Variants in HJURP observed in about 807,000 individuals in gnomAD.
The protein encoded by HJURP is Holliday junction recognition protein.
Under a neutral mutation model 72.0 loss-of-function variants are expected in HJURP, and 49 were observed. The observed-to-expected ratio is 0.68, with a 90% CI of 0.54 to 0.86. The LOEUF is 0.86. Among genes scored for constraint, HJURP ranks in the 40% least tolerant of loss-of-function variants. The pLI is 0.00. For synonymous variants in HJURP, 357 were observed against 347.1 expected, an observed-to-expected ratio of 1.03 and a Z score of -0.32; for missense variants, 908 against 936.3, an observed-to-expected ratio of 0.97 and a Z score of 0.39.
intron 6 of HJURP, among the ~76,000 whole-genome samples, chr2:233,845,283 C>A (rs1486074453): frequency 6.6e-6 from 1 of 152,086 alleles, no homozygotes; most frequent in Non-Finnish European, 1.5e-5. Flanking sequence ...TCCCAAGTAG[C>A]TGGGATTACA....
chr2:233,837,990 G>A (rs1421302317), intron 8 of HJURP, among the ~76,000 whole-genome samples: 1 of 152,186 alleles, frequency 6.6e-6, no homozygotes, highest in Non-Finnish European at 1.5e-5. Flanking sequence ...GAGACAGCCT[G>A]CCTATTGGAC....
rs1374049289 is a variant in HJURP at position 233,837,278 on chromosome 2, T to G, written c.*299A>C. The G allele has an allele frequency of 2.9e-6, 1 of 348,360 alleles. No individual in the cohort carries two copies. The highest frequency in any genetic ancestry group is 2.3e-5 in the African/African-American group (1 of 43,494). The allele number at this position is 348,360 out of a possible 1,614,324, so 21.6% of individuals were successfully genotyped here. A position where few individuals can be genotyped will look rare whatever the true frequency, so the allele number is the denominator to read the frequency against. On this transcript the variant is annotated 3_prime_UTR_variant, in exon 9 of 9. Coordinates refer to ENST00000411486, the MANE Select transcript of HJURP (RefSeq NM_018410.5). ...TCCAGCCTGGGCGATAGAGAGAGAC[T>G]GTCTCAAAAACAAACAAACAAACAA...
In HJURP at chr2:233,841,749, A is replaced by C. The variant is rs1705237521; in HGVS notation, c.1031T>G (p.Leu344Ter). 6.2e-7 allele frequency: 1 copy of C among 1,614,058 alleles called. No homozygotes were observed. The highest frequency in any genetic ancestry group is 1.1e-5 in the South Asian group (1 of 91,084). ...ACCTGTCTTACGGCAAGAAACATCT[A>C]ATACGTTCTTGCAATCTCTTAATGC... ...TGALRDCKNV[L>*]DVSCRKTGLK... Residue 344 changes from leucine to a stop codon, truncating the protein, a stop_gained, in exon 8 of 9, where the codon TTA (leucine) becomes TGA (stop). Transcript: ENST00000411486. LOFTEE classifies it high-confidence loss of function.
In HJURP at chr2:233,853,888, G is replaced by A. The variant is rs756474081; in HGVS notation, c.140C>T (p.Thr47Ile). Residue 47 changes from threonine (T) to isoleucine (I), a missense_variant, in exon 2 of 9, where the codon ACC (threonine) becomes ATC (isoleucine). Physicochemically the swap from Thr to Ile is moderately conservative, Grantham distance 89 (BLOSUM62 -1). Transcript: ENST00000411486. ...IEKYNQPFED[T>I]PVVQMATLTY... is the part of the protein sequence containing the mutation. ...CAGCGTGGCCATTTGCACCACCGGGGTGTCCTCGAAGGGCTGGTTGTACTG... is the reference window on the plus strand; with the variant it reads ...CAGCGTGGCCATTTGCACCACCGGGATGTCCTCGAAGGGCTGGTTGTACTG... 6.8e-6 allele frequency: 11 copies of A among 1,613,960 alleles called. No individual in the cohort carries two copies. The highest frequency in any genetic ancestry group is 2.7e-5 in the African/African-American group (2 of 74,914).
At chr2:233,853,177 G>A (rs1358135428) in intron 2 of HJURP, among the ~76,000 whole-genome samples, 1 of 152,158 alleles carries the variant, frequency 6.6e-6, no homozygotes. Context: ...TTCTGTGTCC[G>A]TTTAATGCAA....
chr2:233,837,971 T>C (rs1293039954), intron 8 of HJURP, among the ~76,000 whole-genome samples: 7 of 152,200 alleles, frequency 4.6e-5, no homozygotes, highest in Admixed American at 3.9e-4. Flanking sequence ...TCCATATCTA[T>C]TAAAAGGAGA....
In HJURP at chr2:233,845,909, T is replaced by C. The variant is rs569448863; in HGVS notation, c.403-89A>G. 1.4e-4 allele frequency: 114 copies of C among 802,534 alleles called. No homozygotes were observed. The East Asian group carries it at 1.8e-3, about 13-fold the overall frequency. The allele number at this position is 802,534 out of a possible 1,614,324, so 49.7% of individuals were successfully genotyped here. ...TGGAACAAACTGGCAAGCTCATTAA[T>C]GTACAAATCTTTACATGATCCTACT... On this transcript the variant is annotated intron_variant, in intron 5 of 8. Transcript: ENST00000411486.
At chr2:233,843,152 G>A (rs1035412697) in intron 7 of HJURP, among the ~76,000 whole-genome samples, 1 of 152,116 alleles carries the variant, frequency 6.6e-6, no homozygotes, top group Non-Finnish European at 1.5e-5. Context: ...GAACCAGAGG[G>A]GAGATAGCTC....
At chr2:233,849,650 C>A in intron 4 of HJURP, 113 bp downstream of exon 4, 1 of 671,154 alleles carries the variant, frequency 1.5e-6, no homozygotes, top group Non-Finnish European at 2.5e-6. Context: ...TAAGATATAC[C>A]TTAGAAAAAA....
intron 8 of HJURP, 55 bp from the exon 9 acceptor site, chr2:233,837,707 A>C: frequency 8.9e-7 from 1 of 1,125,286 alleles, no homozygotes; most frequent in Non-Finnish European, 1.3e-6. Flanking sequence ...AGAATTCCCA[A>C]TGCCAGCCAC....
intron 3 of HJURP, among the ~76,000 whole-genome samples, chr2:233,852,070 A>C (rs1705509080): frequency 6.6e-6 from 1 of 152,238 alleles, no homozygotes; most frequent in African/African-American, 2.4e-5. Flanking sequence ...TAGGCAGGGA[A>C]GCCAGGGTCT....
chr2:233,842,253 C>T (rs1705252716), intron 7 of HJURP, 48 bp from the exon 8 acceptor site: 2 of 1,483,960 alleles, frequency 1.3e-6, no homozygotes, highest in Non-Finnish European at 9.1e-7. Flanking sequence ...CCATTCTAAA[C>T]CATCCATGTG....
In HJURP at chr2:233,841,109, T is replaced by A. The variant is rs1487593547; in HGVS notation, c.1671A>T (p.Ser557=). 1 of 1,614,172 alleles carries A rather than the reference T, an allele frequency of 6.2e-7. No individual in the cohort carries two copies. Among genetic ancestry groups the A allele is most frequent in the East Asian group, 2.2e-5 (1 of 44,886 alleles). Residue 557 remains serine, a synonymous_variant, in exon 8 of 9, where the codon TCA becomes TCT. Coordinates refer to ENST00000411486, the MANE Select transcript of HJURP (RefSeq NM_018410.5). The part of the protein sequence containing the change: ...NSSGIFRKSV[S]PSKTLSVPDK... ...CTGGGACTGAAAGAGTTTTGCTGGG[T>A]GACACTGACTTTCTAAATATTCCAG...
intron 8 of HJURP, among the ~76,000 whole-genome samples, chr2:233,840,028 A>G (rs1168484747): frequency 5.3e-5 from 8 of 152,180 alleles, no homozygotes; most frequent in Non-Finnish European, 1.2e-4. Flanking sequence ...AGAAAAGGGC[A>G]CACGCAGACT....
intron 7 of HJURP, among the ~76,000 whole-genome samples, chr2:233,843,852 T>C (rs1005339536): frequency 1.3e-5 from 2 of 152,112 alleles, no homozygotes; most frequent in African/African-American, 4.8e-5. Flanking sequence ...CAAATGCAAA[T>C]AAATACACAC....
Position 233,841,396 on chromosome 2 carries a change from A to G in HJURP, c.1384T>C (p.Trp462Arg), listed in dbSNP as rs2124962245. The change falls in exon 8 of 9, where the codon TGG becomes CGG. Residue 462 changes from tryptophan (W) to arginine (R), a missense_variant. Physicochemically the swap from Trp to Arg is moderately radical, Grantham distance 101. Coordinates refer to ENST00000411486, the MANE Select transcript of HJURP (RefSeq NM_018410.5). ...QPRRMCLPDS[W>R]AMNMYRGGPA... ...CCCCCTCTGTACATGTTCATGGCCC[A>G]GGAGTCCGGGAGGCACATCCGGCGA... The G allele has an allele frequency of 6.2e-7, 1 of 1,614,170 alleles. No homozygotes were observed. Among genetic ancestry groups the G allele is most frequent in the South Asian group, 1.1e-5 (1 of 91,070 alleles).
intron 3 of HJURP, among the ~76,000 whole-genome samples, chr2:233,852,356 G>C (rs913727220): frequency 6.6e-6 from 1 of 152,152 alleles, no homozygotes; most frequent in Admixed American, 6.5e-5. Context: ...GATGAAAAAG[G>C]CCAAATATTA....
At chr2:233,849,724 C>T (rs772536991) in intron 4 of HJURP, 39 bp downstream of exon 4, 3 of 1,326,456 alleles carry the variant, frequency 2.3e-6, no homozygotes, top group Admixed American at 4.0e-5. Context: ...CAGACCTGGT[C>T]CCTCCTGACT....
intron 3 of HJURP, among the ~76,000 whole-genome samples, chr2:233,850,512 G>A (rs1705472662): frequency 6.6e-6 from 1 of 152,120 alleles, no homozygotes; most frequent in Admixed American, 6.5e-5. Context: ...CAAGCATTCA[G>A]GATACCAGAT....
Sources: allele counts gnomAD v4.1 joint callset (sites outside exome capture counted in the v4.1 genomes callset), GRCh38; gene constraint gnomAD v4.1.1; transcripts MANE v1.5; gene names NCBI Gene and HGNC (gene_info 2026-07-23, HGNC 2026-07-21).